HS3ST5: variants seen among roughly 807,000 people sequenced by gnomAD.
The protein encoded by HS3ST5 is heparan sulfate glucosamine 3-O-sulfotransferase 5.
A neutral mutation model predicts 25.4 loss-of-function variants in HS3ST5; 10 were observed. That is an observed-to-expected ratio of 0.39 (90% CI 0.24 to 0.67). HS3ST5 has a LOEUF of 0.67. Ranked by LOEUF, HS3ST5 falls within the 30% of genes least tolerant of loss-of-function variation. The pLI, the probability that HS3ST5 is intolerant of heterozygous loss-of-function variation, is 0.44. For missense variants in HS3ST5, 324 were observed against 420.7 expected (o/e 0.77, Z 2.01); for synonymous variants, 170 against 162.4 (o/e 1.05, Z -0.36).
At chr6:114,332,440 A>T (rs1371338887) in intron 1 of HS3ST5, among the ~76,000 whole-genome samples, 1 of 152,192 alleles carries the variant, frequency 6.6e-6, no homozygotes, top group East Asian at 1.9e-4. Context: ...ATATTCTCAG[A>T]TCCAGCACAC....
chr6:114,258,654 G>T (rs553734299), intron 1 of HS3ST5, among the ~76,000 whole-genome samples: 1 of 152,126 alleles, frequency 6.6e-6, no homozygotes, highest in East Asian at 1.9e-4. Flanking sequence ...AGCTCTTTTT[G>T]CCCCTTCTCC....
At chr6:114,102,000 G>A (rs1004885196) in intron 3 of HS3ST5, among the ~76,000 whole-genome samples, 1 of 152,146 alleles carries the variant, frequency 6.6e-6, no homozygotes, top group Non-Finnish European at 1.5e-5. Context: ...GCTAAACATT[G>A]AGTGCACTTG....
intron 3 of HS3ST5, among the ~76,000 whole-genome samples, chr6:114,114,023 C>G (rs1283023276): frequency 1.3e-5 from 2 of 152,028 alleles, no homozygotes; most frequent in African/African-American, 4.8e-5. Context: ...ATAGTTTATA[C>G]CTAACTGAGA....
intron 3 of HS3ST5, among the ~76,000 whole-genome samples, chr6:114,088,352 T>C (rs1774946572): frequency 2.0e-5 from 3 of 152,138 alleles, no homozygotes; most frequent in African/African-American, 7.2e-5. Context: ...CTGTGCTTTC[T>C]TATTCTTTTC....
At chr6:114,282,734 C>T (rs892253123) in intron 1 of HS3ST5, among the ~76,000 whole-genome samples, 1 of 151,974 alleles carries the variant, frequency 6.6e-6, no homozygotes, top group Non-Finnish European at 1.5e-5. Flanking sequence ...TCTCCCTCCC[C>T]TTTCTTCCAT....
intron 1 of HS3ST5, among the ~76,000 whole-genome samples, chr6:114,234,102 T>C (rs1287237085): frequency 6.6e-6 from 1 of 151,980 alleles, no homozygotes; most frequent in East Asian, 1.9e-4. Context: ...AGGCAGGAAA[T>C]GTAAGGGTAG....
intron 1 of HS3ST5, among the ~76,000 whole-genome samples, chr6:114,252,848 G>A (rs932773758): frequency 1.3e-5 from 2 of 152,100 alleles, no homozygotes; most frequent in Non-Finnish European, 2.9e-5. Flanking sequence ...TAATGCAAGT[G>A]AGCCACATAC....
At chr6:114,193,473 G>A (rs1460428646) in intron 2 of HS3ST5, among the ~76,000 whole-genome samples, 1 of 152,192 alleles carries the variant, frequency 6.6e-6, no homozygotes, top group African/African-American at 2.4e-5. Context: ...TGTGGTAGAA[G>A]CATGTATATG....
At chr6:114,097,186 A>G (rs1054104193) in intron 3 of HS3ST5, among the ~76,000 whole-genome samples, 2 of 152,010 alleles carry the variant, frequency 1.3e-5, no homozygotes, top group African/African-American at 2.4e-5. Flanking sequence ...CTATACATAT[A>G]TATAATTGGA....
At chr6:114,119,949 G>A (rs299418) in intron 3 of HS3ST5, among the ~76,000 whole-genome samples, 132,030 of 152,254 alleles carry the variant, frequency 0.87, 57,424 homozygotes, top group Non-Finnish European at 0.9. Context: ...GTTCGAGACC[G>A]GCCTGGCCAA....
At chr6:114,231,735 G>A (rs1307534849) in intron 1 of HS3ST5, among the ~76,000 whole-genome samples, 1 of 146,446 alleles carries the variant, frequency 6.8e-6, no homozygotes, top group African/African-American at 2.5e-5. Context: ...TCTCCACTCT[G>A]AGGCTTTGGT....
chr6:114,076,839 A>G (rs184452419), intron 3 of HS3ST5, among the ~76,000 whole-genome samples: 22 of 152,348 alleles, frequency 1.4e-4, no homozygotes, highest in African/African-American at 4.8e-4. Context: ...AATGGACACC[A>G]TTTGTTAGTA....
intron 1 of HS3ST5, among the ~76,000 whole-genome samples, chr6:114,337,955 C>T (rs1170771401): frequency 6.6e-6 from 1 of 152,044 alleles, no homozygotes; most frequent in East Asian, 1.9e-4. Context: ...ATAATAGCAG[C>T]TGTACCTACT....
chr6:114,251,543 T>G (rs1772659199), intron 1 of HS3ST5: 2 of 152,240 alleles, frequency 1.3e-5, no homozygotes, highest in African/African-American at 4.8e-5. Flanking sequence ...AGCATGTGGT[T>G]TGGATGGAAT....
chr6:114,253,810 C>T (rs574495752), intron 1 of HS3ST5, among the ~76,000 whole-genome samples: 67 of 152,244 alleles, frequency 4.4e-4, no homozygotes, highest in African/African-American at 1.6e-3. Context: ...CCCTGTGTTT[C>T]GTTTTTCTCC....
intron 1 of HS3ST5, among the ~76,000 whole-genome samples, chr6:114,242,785 G>A (rs1441968131): frequency 1.3e-5 from 2 of 151,326 alleles, no homozygotes; most frequent in Admixed American, 1.3e-4. Flanking sequence ...CCCGGGAAGC[G>A]GAGCTTGCAG....
intron 3 of HS3ST5, among the ~76,000 whole-genome samples, chr6:114,149,515 A>C (rs1329585900): frequency 2.0e-5 from 3 of 152,108 alleles, no homozygotes; most frequent in African/African-American, 7.2e-5. Flanking sequence ...CTCACTCATA[A>C]GTGGGAGTTG....
intron 3 of HS3ST5, among the ~76,000 whole-genome samples, chr6:114,157,194 T>C (rs191633991): frequency 3.9e-5 from 6 of 152,276 alleles, no homozygotes; most frequent in Admixed American, 3.9e-4. Flanking sequence ...CTTTCTACTT[T>C]CTACCCATCC....
At chr6:114,148,482 G>A (rs560055019) in intron 3 of HS3ST5, among the ~76,000 whole-genome samples, 32 of 152,220 alleles carry the variant, frequency 2.1e-4, no homozygotes, top group African/African-American at 7.7e-4. Flanking sequence ...TTAACTGGGT[G>A]TGGTGGCGGA....
Sources: gnomAD v4.1 joint callset for allele counts (sites outside exome capture counted in the v4.1 genomes callset) on GRCh38, gnomAD v4.1.1 for gene constraint, MANE v1.5 for transcripts, NCBI Gene and HGNC (gene_info 2026-07-23, HGNC 2026-07-21) for gene names.